The following GAS7 variants were observed in gnomAD, a reference collection of about 807,000 sequenced individuals.
GAS7 encodes growth arrest specific 7.
GAS7 carries 28 observed loss-of-function variants against 71.1 expected under a neutral mutation model. The ratio of observed to expected loss-of-function variants is 0.39; its 90% CI spans 0.29 to 0.54. The LOEUF (loss-of-function observed/expected upper bound fraction) is 0.54. Ranked by LOEUF, GAS7 falls within the 20% of genes least tolerant of loss-of-function variation. The pLI is 0.62. For missense variants in GAS7, 436 were observed against 627.8 expected, an observed-to-expected ratio of 0.69 and a Z score of 3.27; for synonymous variants, 258 against 245.8, an observed-to-expected ratio of 1.05 and a Z score of -0.46.
intron 1 of GAS7, among the ~76,000 whole-genome samples, chr17:10,055,234 C>T (rs1248854736): frequency 6.6e-6 from 1 of 152,190 alleles, no homozygotes; most frequent in East Asian, 1.9e-4. Flanking sequence ...GCGCTGGAAG[C>T]TAGCACCTGG....
chr17:9,921,085 G>A (rs17683107), intron 11 of GAS7, among the ~76,000 whole-genome samples: 19,325 of 152,032 alleles, frequency 0.13, 1,279 homozygotes, highest in Non-Finnish European at 0.15. Flanking sequence ...GCCAATGACT[G>A]GACCCTTGAT....
At chr17:10,190,649 T>C (rs4368195) in intron 1 of GAS7, among the ~76,000 whole-genome samples, 64,310 of 151,330 alleles carry the variant, frequency 0.42, 14,163 homozygotes, top group African/African-American at 0.53. Context: ...GCTAGCCTAC[T>C]GAACAGGAGA....
At chr17:10,140,226 T>C (rs973936282) in intron 1 of GAS7, among the ~76,000 whole-genome samples, 1 of 151,876 alleles carries the variant, frequency 6.6e-6, no homozygotes, top group Non-Finnish European at 1.5e-5. Flanking sequence ...CTTTAGGAGG[T>C]CAAGGCGGGA....
intron 5 of GAS7, among the ~76,000 whole-genome samples, chr17:9,957,011 C>T (rs1034324969): frequency 4.6e-5 from 7 of 152,206 alleles, no homozygotes; most frequent in African/African-American, 1.7e-4. Context: ...CCAGGTGGTA[C>T]ACCGGGAAGT....
intron 1 of GAS7, 47 bp downstream of exon 1, chr17:10,198,161 C>A: frequency 1.3e-6 from 2 of 1,563,972 alleles, no homozygotes; most frequent in Non-Finnish European, 1.7e-6. Flanking sequence ...GCGAGCGCAC[C>A]GAGGACCGCA....
At chr17:10,035,879 T>G (rs1245950052) in intron 1 of GAS7, among the ~76,000 whole-genome samples, 1 of 152,190 alleles carries the variant, frequency 6.6e-6, no homozygotes, top group East Asian at 1.9e-4. Context: ...GTACTTCTGC[T>G]AGGGAGCCAT....
intron 1 of GAS7, among the ~76,000 whole-genome samples, chr17:10,064,050 C>T (rs761388268): frequency 3.3e-5 from 5 of 152,188 alleles, no homozygotes; most frequent in African/African-American, 7.2e-5. Flanking sequence ...ATTAGTCACA[C>T]ACGTGCCAAC....
intron 1 of GAS7, among the ~76,000 whole-genome samples, chr17:10,071,280 T>C (rs1279084536): frequency 6.6e-6 from 1 of 152,120 alleles, no homozygotes; most frequent in Non-Finnish European, 1.5e-5. Context: ...ATCTGAGAAA[T>C]GGAACCAAAA....
chr17:10,130,810 T>C (rs1446762064), intron 1 of GAS7, among the ~76,000 whole-genome samples: 2 of 152,180 alleles, frequency 1.3e-5, no homozygotes, highest in African/African-American at 4.8e-5. Flanking sequence ...GGCAAATCTA[T>C]ACAGATGGAA....
At chr17:10,137,514 A>G (rs1404490096) in intron 1 of GAS7, among the ~76,000 whole-genome samples, 1 of 150,710 alleles carries the variant, frequency 6.6e-6, no homozygotes. Flanking sequence ...CTGTGTCTAG[A>G]ACAATTCCTA....
In GAS7 at chr17:9,914,034, T is replaced by C. The variant is rs141903315; in HGVS notation, c.*3194A>G. 1,000 of 228,460 alleles carry C rather than the reference T, an allele frequency of 4.4e-3. 1 individual carries two copies. The highest frequency in any genetic ancestry group is 0.021 in the South Asian group (114 of 5,488). 14.2% of individuals were successfully genotyped at this position (228,460 alleles called of 1,614,324 possible). A position where few individuals can be genotyped will look rare whatever the true frequency, so the allele number is the denominator to read the frequency against. On this transcript the variant is annotated 3_prime_UTR_variant, in exon 14 of 14. Coordinates refer to ENST00000432992, the MANE Select transcript of GAS7 (RefSeq NM_201433.2). ...ACATAAAACAAAACAACAACCCGGATAGCGTGCTTGCCTCTCCAAAGTGCA... is the reference window on the plus strand; with the variant it reads ...ACATAAAACAAAACAACAACCCGGACAGCGTGCTTGCCTCTCCAAAGTGCA...
At chr17:9,975,771 G>C (rs547802126) in intron 3 of GAS7, among the ~76,000 whole-genome samples, 17 of 152,130 alleles carry the variant, frequency 1.1e-4, no homozygotes, top group Non-Finnish European at 1.8e-4. Context: ...ATGCTGACAT[G>C]CGCTTGAAAT....
intron 1 of GAS7, among the ~76,000 whole-genome samples, chr17:10,139,198 T>G (rs1432185055): frequency 1.3e-5 from 2 of 152,230 alleles, no homozygotes; most frequent in Non-Finnish European, 2.9e-5. Flanking sequence ...AACACAGCTA[T>G]TTATTAGCAA....
intron 1 of GAS7, among the ~76,000 whole-genome samples, chr17:10,141,215 C>T (rs34185841): frequency 3.3e-5 from 5 of 152,186 alleles, no homozygotes; most frequent in East Asian, 1.9e-4. Context: ...TTTGAGAGGC[C>T]GAGGCAGGAG....
At chr17:10,087,483 T>A (rs1028425411) in intron 1 of GAS7, among the ~76,000 whole-genome samples, 4 of 152,242 alleles carry the variant, frequency 2.6e-5, no homozygotes, top group Admixed American at 2.6e-4. Flanking sequence ...CATGGTTGCA[T>A]GCTGCAGACA....
At chr17:10,187,644 C>CA (rs1221925237) in intron 1 of GAS7, among the ~76,000 whole-genome samples, 1 of 152,126 alleles carries the variant, frequency 6.6e-6, no homozygotes, top group African/African-American at 2.4e-5. Flanking sequence ...CACAAGGTGA[C>CA]AGACAGACAG....
intron 1 of GAS7, among the ~76,000 whole-genome samples, chr17:10,193,450 C>T (rs987628589): frequency 1.3e-5 from 2 of 152,064 alleles, no homozygotes; most frequent in African/African-American, 2.4e-5. Flanking sequence ...ATATGGCCCT[C>T]GATGAACCAC....
intron 1 of GAS7, among the ~76,000 whole-genome samples, chr17:10,111,078 A>T (rs2073807065): frequency 6.6e-6 from 1 of 152,198 alleles, no homozygotes; most frequent in Non-Finnish European, 1.5e-5. Context: ...GTAGGTCAGT[A>T]ACTGCTGTGT....
At chr17:10,038,695 A>ATT (rs71365709) in intron 1 of GAS7, among the ~76,000 whole-genome samples, 61 of 121,172 alleles carry the variant, frequency 5.0e-4, no homozygotes, top group Middle Eastern at 8.8e-3. Flanking sequence ...GAAGGAAGGA[A>ATT]TTTTTTTTTT....
Sources: allele counts gnomAD v4.1 joint callset (sites outside exome capture counted in the v4.1 genomes callset), GRCh38; gene constraint gnomAD v4.1.1; transcripts MANE v1.5; gene names NCBI Gene and HGNC (gene_info 2026-07-23, HGNC 2026-07-21).